Variants in CHST13 observed in about 807,000 individuals in gnomAD.
CHST13 encodes the protein carbohydrate sulfotransferase 13.
Under a neutral mutation model 7.0 loss-of-function variants are expected in CHST13, and 1 was observed. The ratio of observed to expected loss-of-function variants is 0.14; its 90% CI spans 0.05 to 0.68. CHST13 has a LOEUF of 0.68. Ranked by LOEUF, CHST13 falls within the 30% of genes least tolerant of loss-of-function variation. CHST13 has a pLI of 0.82. For missense variants in CHST13, 572 were observed against 507.9 expected (o/e 1.13, Z -1.21); for synonymous variants, 257 against 240.9 (o/e 1.07, Z -0.62).
At chr3:126,539,378 G>C (rs977048216) in intron 2 of CHST13, among the ~76,000 whole-genome samples, 2 of 152,040 alleles carry the variant, frequency 1.3e-5, no homozygotes, top group Non-Finnish European at 2.9e-5. Context: ...TTAGACAGCT[G>C]TGGGATAGTT....
At chr3:126,530,055 G>A (rs1286322575) in intron 1 of CHST13, among the ~76,000 whole-genome samples, 1 of 152,216 alleles carries the variant, frequency 6.6e-6, no homozygotes, top group African/African-American at 2.4e-5. Flanking sequence ...CCCTGTTTGG[G>A]GCCAGCCCCC....
intron 2 of CHST13, among the ~76,000 whole-genome samples, chr3:126,537,994 G>A (rs936882462): frequency 2.0e-5 from 3 of 152,214 alleles, no homozygotes; most frequent in Admixed American, 2.0e-4. Flanking sequence ...GCCCCGGACA[G>A]TGGACATAGG....
intron 1 of CHST13, among the ~76,000 whole-genome samples, chr3:126,531,818 T>TA (rs1297069787): frequency 6.6e-6 from 1 of 152,214 alleles, no homozygotes; most frequent in African/African-American, 2.4e-5. Flanking sequence ...TCTAGGAACA[T>TA]ACTTAGGAGA....
chr3:126,524,759 C>CCTCTT (rs1478995740), intron 1 of CHST13, among the ~76,000 whole-genome samples: 1 of 152,168 alleles, frequency 6.6e-6, no homozygotes, highest in East Asian at 1.9e-4. Flanking sequence ...TTACCTTCAC[C>CCTCTT]CCCTTCCCCT....
In CHST13 at chr3:126,542,646, T is replaced by C; in HGVS notation, c.*68T>C. ...CGACAAGACCCCCGGGGAATGCAGGTGCTGCCGGCCCCAGGACCCCTCTTC... is the reference window on the plus strand; with the variant it reads ...CGACAAGACCCCCGGGGAATGCAGGCGCTGCCGGCCCCAGGACCCCTCTTC... On this transcript the variant is annotated 3_prime_UTR_variant, in exon 3 of 3. Transcript: ENST00000319340. The C allele has an allele frequency of 7.1e-7, 1 of 1,399,766 alleles. No homozygotes were observed. Among genetic ancestry groups the C allele is most frequent in the African/African-American group, 1.5e-5 (1 of 65,690 alleles). The allele number at this position is 1,399,766 out of a possible 1,614,324, so 86.7% of individuals were successfully genotyped here. A position where few individuals can be genotyped will look rare whatever the true frequency, so the allele number is the denominator to read the frequency against.
intron 2 of CHST13, among the ~76,000 whole-genome samples, chr3:126,541,047 T>G (rs1028389283): frequency 6.6e-6 from 1 of 152,212 alleles, no homozygotes; most frequent in Non-Finnish European, 1.5e-5. Context: ...ATGGAAGCGC[T>G]GGCCTGGGTC....
At chr3:126,528,552 G>A (rs1025273672) in intron 1 of CHST13, among the ~76,000 whole-genome samples, 2 of 152,156 alleles carry the variant, frequency 1.3e-5, no homozygotes, top group African/African-American at 2.4e-5. Flanking sequence ...AGAAATAGGA[G>A]ATAGGTGAGG....
intron 1 of CHST13, among the ~76,000 whole-genome samples, chr3:126,531,959 G>C (rs1332450977): frequency 2.0e-5 from 3 of 152,174 alleles, no homozygotes; most frequent in Non-Finnish European, 4.4e-5. Context: ...CCACATCCTT[G>C]TTATTTACTG....
At chr3:126,529,738 C>T (rs1429498385) in intron 1 of CHST13, among the ~76,000 whole-genome samples, 2 of 152,168 alleles carry the variant, frequency 1.3e-5, no homozygotes, top group African/African-American at 2.4e-5. Context: ...TTGTTTTTGG[C>T]ACTCCTCCCA....
rs1258346580 is a variant in CHST13, at chr3:126,542,201, C to T, written c.649C>T (p.Arg217Trp). The change falls in exon 3 of 3, where the codon CGG (arginine) becomes TGG (tryptophan). Residue 217 changes from arginine (R) to tryptophan (W), a missense_variant. Coordinates refer to ENST00000319340, the MANE Select transcript of CHST13 (RefSeq NM_152889.3). ...RLRPRALPDARARGHDVRFAE... is the reference protein window; with the variant it reads ...RLRPRALPDAWARGHDVRFAE... ...GCGGCCGCGCGCGCTCCCCGACGCC[C>T]GGGCCCGCGGCCACGACGTGCGCTT... is the stretch of plus-strand genomic sequence containing the variant. The T allele has an allele frequency of 2.1e-6, 3 of 1,445,276 alleles. No homozygotes were observed. The highest frequency in any genetic ancestry group is 2.9e-5 in the East Asian group (1 of 33,946). 89.5% of individuals were successfully genotyped at this position (1,445,276 alleles called of 1,614,324 possible).
intron 2 of CHST13, among the ~76,000 whole-genome samples, chr3:126,540,253 C>CA (rs1383797742): frequency 2.0e-5 from 3 of 152,170 alleles, no homozygotes; most frequent in Non-Finnish European, 4.4e-5. Context: ...ACAACTCTTT[C>CA]AAACCCTACA....
At chr3:126,535,124 GAGA>G (rs1936749440) in intron 1 of CHST13, among the ~76,000 whole-genome samples, 1 of 125,696 alleles carries the variant, frequency 8.0e-6, no homozygotes, top group Non-Finnish European at 1.6e-5. Context: ...TCCTCAGCTG[GAGA>G]CAGACAGACA....
rs1218430153 is a variant in CHST13, at chr3:126,524,368, G to C, written c.36G>C (p.Ala12=). 2 of 1,236,552 alleles carry C rather than the reference G, an allele frequency of 1.6e-6. No homozygotes were observed. The highest frequency in any genetic ancestry group is 2.0e-6 in the Non-Finnish European group (2 of 990,444). The allele number at this position is 1,236,552 out of a possible 1,614,324, so 76.6% of individuals were successfully genotyped here. The change falls in exon 1 of 3, where the codon GCG becomes GCC. Residue 12 remains alanine, a synonymous_variant. Coordinates refer to ENST00000319340, the MANE Select transcript of CHST13 (RefSeq NM_152889.3). ...GCTGCTGCCGGCGGCGCGTGCTGGC[G>C]GCCGCCTGTCTGGGCGCCGCGCTCC... is the stretch of plus-strand genomic sequence containing the variant. ...GRRCCRRRVL[A]AACLGAALLL... is the part of the protein sequence containing the mutation.
chr3:126,538,871 A>G (rs1172353518), intron 2 of CHST13, among the ~76,000 whole-genome samples: 2 of 152,128 alleles, frequency 1.3e-5, no homozygotes, highest in Admixed American at 6.5e-5. Context: ...AAATGGTGAG[A>G]TTTTAAAAAT....
At chr3:126,525,287 C>T (rs1936516476) in intron 1 of CHST13, among the ~76,000 whole-genome samples, 3 of 152,142 alleles carry the variant, frequency 2.0e-5, no homozygotes, top group Admixed American at 2.0e-4. Context: ...GGGCCCCACC[C>T]TTGGAACCTG....
At chr3:126,529,258 C>G in intron 1 of CHST13, 1 of 1,217,604 alleles carries the variant, frequency 8.2e-7, no homozygotes. Flanking sequence ...GGCCTTGCAA[C>G]ATGACGTGTG....
At chr3:126,530,546 C>T (rs572785482) in intron 1 of CHST13, among the ~76,000 whole-genome samples, 1 of 152,240 alleles carries the variant, frequency 6.6e-6, no homozygotes, top group African/African-American at 2.4e-5. Context: ...GAAAGGGACA[C>T]GTCTCATCTG....
intron 2 of CHST13, among the ~76,000 whole-genome samples, chr3:126,539,895 CAT>C (rs1936912272): frequency 1.4e-3 from 1 of 714 alleles, no homozygotes; most frequent in East Asian, 0.033. Context: ...ACACACCACA[CAT>C]ACACCATACA....
At position 126,542,506 on chromosome 3, in the gene CHST13, C is replaced by A; in HGVS notation, c.954C>A (p.Arg318=). 6.4e-7 allele frequency: 1 copy of A among 1,568,570 alleles called. No individual in the cohort carries two copies. Among genetic ancestry groups the A allele is most frequent in the Non-Finnish European group, 8.6e-7 (1 of 1,163,592 alleles). The part of the protein sequence containing the change: ...FRDISPFYQR[R]LFDLYKMDFL... Reference sequence around the variant, plus strand: ...ACATCAGCCCCTTCTACCAGCGGCGCCTCTTCGACCTCTACAAGATGGACT... The same window carrying A: ...ACATCAGCCCCTTCTACCAGCGGCGACTCTTCGACCTCTACAAGATGGACT... The change falls in exon 3 of 3, where the codon CGC becomes CGA. Residue 318 remains arginine (R), a synonymous_variant. Transcript: ENST00000319340.
Sources: allele counts gnomAD v4.1 joint callset (sites outside exome capture counted in the v4.1 genomes callset), GRCh38; gene constraint gnomAD v4.1.1; transcripts MANE v1.5; gene names NCBI Gene and HGNC (gene_info 2026-07-23, HGNC 2026-07-21).